Variants in ZBTB20 observed in about 807,000 individuals in gnomAD.
ZBTB20 encodes the protein zinc finger and BTB domain containing 20.
ZBTB20 carries 9 observed loss-of-function variants against 56.9 expected under a neutral mutation model. The observed-to-expected ratio is 0.16, with a 90% CI of 0.10 to 0.28. The LOEUF is 0.28. Among genes scored for constraint, ZBTB20 ranks in the 10% least tolerant of loss-of-function variants. ZBTB20 has a pLI of 1.00. For missense variants in ZBTB20, 655 were observed against 1,003.0 expected, an observed-to-expected ratio of 0.65 and a Z score of 4.69; for synonymous variants, 417 against 420.7, an observed-to-expected ratio of 0.99 and a Z score of 0.11.
intron 6 of ZBTB20, among the ~76,000 whole-genome samples, chr3:114,571,439 T>C (rs2053425963): frequency 6.6e-6 from 1 of 152,142 alleles, no homozygotes; most frequent in Non-Finnish European, 1.5e-5. Flanking sequence ...AATAACATAA[T>C]TTACTGTAAC....
intron 7 of ZBTB20, among the ~76,000 whole-genome samples, chr3:114,424,993 G>T (rs1296857061): frequency 6.6e-6 from 1 of 152,052 alleles, no homozygotes; most frequent in Non-Finnish European, 1.5e-5. Context: ...GACATCCCTA[G>T]AATTTTCCCT....
chr3:114,966,673 A>T (rs1383094245), intron 3 of ZBTB20, among the ~76,000 whole-genome samples: 38 of 152,104 alleles, frequency 2.5e-4, no homozygotes, highest in Admixed American at 2.5e-3. Context: ...CCAGTATAGG[A>T]AGTACAAAAC....
In ZBTB20 at chr3:114,362,371, T is replaced by A. The variant is rs531793962; in HGVS notation, c.200-10493A>T. On this transcript the variant is annotated intron_variant, in intron 10 of 11. Transcript: ENST00000675478. ...ACTGGATCCCTCATTGTGCCCAGCA[T>A]GTTTCTTTATAATGTGTGGGTTCTA... Among the ~76,000 whole-genome samples, 6 of 152,292 alleles carry A rather than the reference T, an allele frequency of 3.9e-5. No individual in the cohort carries two copies. The East Asian group carries it at 1.2e-3, about 29-fold the overall frequency.
intron 4 of ZBTB20, among the ~76,000 whole-genome samples, chr3:114,850,584 G>C (rs572501301): frequency 6.6e-6 from 1 of 152,218 alleles, no homozygotes; most frequent in African/African-American, 2.4e-5. Context: ...CTAAAGCACA[G>C]AGTGGTTAAG....
intron 6 of ZBTB20, among the ~76,000 whole-genome samples, chr3:114,685,151 C>T (rs1300589679): frequency 8.5e-5 from 13 of 152,052 alleles, no homozygotes; most frequent in East Asian, 1.9e-4. Context: ...CTGTTCATCC[C>T]GCTATAGGCT....
rs927157485 is a variant in ZBTB20, at chr3:114,883,216, A to G, written c.-417+17088T>C. ...TACAATAAACAAATCTCTACTTGGT[A>G]TTTTGTATGTAGACTGTAGCCATGT... is the stretch of plus-strand genomic sequence containing the variant. On this transcript the variant is annotated intron_variant, in intron 4 of 11. Coordinates refer to ENST00000675478, the MANE Select transcript of ZBTB20 (RefSeq NM_001348800.3). Among the ~76,000 whole-genome samples, 17 of 152,234 alleles carry G rather than the reference A, an allele frequency of 1.1e-4. No individual in the cohort carries two copies. The East Asian group carries it at 3.3e-3, about 29-fold the overall frequency.
chr3:114,562,951 T>C (rs2052268590), intron 6 of ZBTB20, among the ~76,000 whole-genome samples: 1 of 152,056 alleles, frequency 6.6e-6, no homozygotes, highest in Non-Finnish European at 1.5e-5. Context: ...CTCAAACAAA[T>C]ATAATAATGA....
intron 7 of ZBTB20, among the ~76,000 whole-genome samples, chr3:114,392,649 A>C (rs754110971): frequency 3.5e-4 from 54 of 152,200 alleles, no homozygotes; most frequent in Non-Finnish European, 6.5e-4. Flanking sequence ...AGCTTAGCCT[A>C]GTACTCATTC....
At chr3:114,678,683 G>A (rs80114064) in intron 6 of ZBTB20, among the ~76,000 whole-genome samples, 8,639 of 152,198 alleles carry the variant, frequency 0.057, 333 homozygotes, top group Middle Eastern at 0.14. Flanking sequence ...TAAATGGTTC[G>A]AGTACGTAGA....
At chr3:114,740,058 G>A (rs923269547) in intron 5 of ZBTB20, among the ~76,000 whole-genome samples, 1 of 152,194 alleles carries the variant, frequency 6.6e-6, no homozygotes, top group African/African-American at 2.4e-5. Flanking sequence ...CCAGTCCTGT[G>A]AGGTACTGTT....
Position 114,484,862 on chromosome 3 carries a change from T to C in ZBTB20, c.-255+15490A>G, listed in dbSNP as rs2041949657. Among the ~76,000 whole-genome samples, 2 of 152,036 alleles carry C rather than the reference T, an allele frequency of 1.3e-5. 1 individual carries two copies. The highest frequency in any genetic ancestry group is 1.3e-4 in the Admixed American group (2 of 15,260). On this transcript the variant is annotated intron_variant, in intron 7 of 11. Transcript: ENST00000675478. ...GTGCGTGAGTGCACGCACGCACGTG[T>C]ATGGAAGTGCTTTGAGGCCCTGGAC... is the stretch of plus-strand genomic sequence containing the variant.
intron 6 of ZBTB20, among the ~76,000 whole-genome samples, chr3:114,593,731 T>G (rs953380376): frequency 6.6e-6 from 1 of 152,174 alleles, no homozygotes; most frequent in African/African-American, 2.4e-5. Context: ...AACATATAAC[T>G]GGTCATAGAT....
rs775548925 is a variant in ZBTB20, at chr3:114,351,705, C to A, written c.373G>T (p.Gly125Cys). 1.2e-6 allele frequency: 2 copies of A among 1,614,022 alleles called. No individual in the cohort carries two copies. The highest frequency in any genetic ancestry group is 4.5e-5 in the East Asian group (2 of 44,866). The change falls in exon 11 of 12, where the codon GGC (glycine) becomes TGC (cysteine). Residue 125 changes from glycine (G) to cysteine (C), a missense_variant. Transcript: ENST00000675478. ...LRAHRCVLAA[G>C]SPFFQDKLLL... ...AGTTTGTCCTGGAAGAAGGGGCTGC[C>A]GGCTGCCAGCACGCAGCGGTGTGCG...
chr3:114,898,167 G>T (rs910907229), intron 4 of ZBTB20, among the ~76,000 whole-genome samples: 2 of 152,218 alleles, frequency 1.3e-5, no homozygotes, highest in Middle Eastern at 3.4e-3. Context: ...TTGTGTTTTA[G>T]TGAGATAGAG....
At chr3:114,689,221 G>T (rs2062548551) in intron 6 of ZBTB20, among the ~76,000 whole-genome samples, 1 of 152,084 alleles carries the variant, frequency 6.6e-6, no homozygotes, top group African/African-American at 2.4e-5. Context: ...TATAGCAGTT[G>T]TGCATGATCC....
chr3:114,837,927 T>C (rs1461693453), intron 4 of ZBTB20, among the ~76,000 whole-genome samples: 8 of 152,148 alleles, frequency 5.3e-5, no homozygotes, highest in Non-Finnish European at 1.2e-4. Context: ...AATGACTCTC[T>C]CATGAATTAG....
intron 5 of ZBTB20, among the ~76,000 whole-genome samples, chr3:114,769,994 G>A (rs1408808163): frequency 6.6e-6 from 1 of 151,658 alleles, no homozygotes; most frequent in Non-Finnish European, 1.5e-5. Flanking sequence ...GGAAGGCAGA[G>A]GCTGCAGTGA....
At chr3:114,906,381 A>G (rs1457826066) in intron 3 of ZBTB20, among the ~76,000 whole-genome samples, 2 of 151,722 alleles carry the variant, frequency 1.3e-5, no homozygotes, top group Admixed American at 1.3e-4. Flanking sequence ...TTCAAAAGCA[A>G]TTCTAGGTAG....
At chr3:114,820,024 G>A (rs1384248986) in intron 4 of ZBTB20, among the ~76,000 whole-genome samples, 3 of 151,890 alleles carry the variant, frequency 2.0e-5, no homozygotes, top group Non-Finnish European at 4.4e-5. Flanking sequence ...AGTTAAGAAT[G>A]TAGTTAGAAA....
Sources: gnomAD v4.1 joint callset for allele counts (sites outside exome capture counted in the v4.1 genomes callset) on GRCh38, gnomAD v4.1.1 for gene constraint, MANE v1.5 for transcripts, NCBI Gene and HGNC (gene_info 2026-07-23, HGNC 2026-07-21) for gene names.